HDDC2: variants seen among roughly 807,000 people sequenced by gnomAD.
HDDC2 encodes HD domain containing 2.
Under a neutral mutation model 25.5 loss-of-function variants are expected in HDDC2, and 25 were observed. The observed-to-expected ratio is 0.98, with a 90% CI of 0.72 to 1.37. The LOEUF is 1.37. Ranked by LOEUF, HDDC2 falls within the 40% of genes most tolerant of loss-of-function variation. HDDC2 has a pLI of 0.00. For missense variants in HDDC2, 264 were observed against 253.1 expected (o/e 1.04, Z -0.29); for synonymous variants, 106 against 89.7 (o/e 1.18, Z -1.03).
intron 4 of HDDC2, among the ~76,000 whole-genome samples, chr6:125,289,289 C>T (rs1294352124): frequency 8.0e-6 from 1 of 124,560 alleles, no homozygotes; most frequent in East Asian, 2.2e-4. Flanking sequence ...AATGAGATCA[C>T]TTGGACACAG....
At chr6:125,301,481 A>AGCACACACACGCGC (rs1385989418) in intron 1 of HDDC2, among the ~76,000 whole-genome samples, 37 of 101,594 alleles carry the variant, frequency 3.6e-4, no homozygotes, top group African/African-American at 2.2e-3. Context: ...TGGGGTCGTG[A>AGCACACACACGCGC]GCACACACAC....
chr6:125,281,343 G>T (rs1798454868), intron 4 of HDDC2, among the ~76,000 whole-genome samples: 2 of 152,180 alleles, frequency 1.3e-5, no homozygotes, highest in African/African-American at 4.8e-5. Context: ...GAACAAAACT[G>T]GAGGGAGAAT....
intron 4 of HDDC2, among the ~76,000 whole-genome samples, chr6:125,286,083 T>C (rs1283169426): frequency 6.6e-6 from 1 of 152,146 alleles, no homozygotes; most frequent in Admixed American, 6.5e-5. Context: ...GACTTTCAAG[T>C]ATAAAGAACA....
intron 4 of HDDC2, among the ~76,000 whole-genome samples, chr6:125,279,876 A>G (rs1798431258): frequency 6.6e-6 from 1 of 152,240 alleles, no homozygotes; most frequent in African/African-American, 2.4e-5. Context: ...CATTTTAAAA[A>G]GAGAACTCGA....
intron 4 of HDDC2, among the ~76,000 whole-genome samples, chr6:125,284,956 C>T (rs1698937839): frequency 6.6e-6 from 1 of 152,140 alleles, no homozygotes; most frequent in Non-Finnish European, 1.5e-5. Context: ...AAATGTGGTA[C>T]ATATACACCA....
intron 1 of HDDC2, among the ~76,000 whole-genome samples, chr6:125,300,973 G>T (rs921909405): frequency 2.6e-5 from 4 of 152,028 alleles, no homozygotes; most frequent in African/African-American, 4.8e-5. Flanking sequence ...GCATTTTTCC[G>T]AACAAGAGTT....
chr6:125,292,986 G>T, intron 3 of HDDC2, 77 bp from the exon 4 acceptor site: 1 of 1,145,264 alleles, frequency 8.7e-7, no homozygotes, highest in Non-Finnish European at 1.3e-6. Context: ...AGACAAATAG[G>T]TTCGGATTCT....
intron 4 of HDDC2, among the ~76,000 whole-genome samples, chr6:125,291,406 A>G (rs1309790328): frequency 1.3e-5 from 2 of 152,190 alleles, no homozygotes; most frequent in East Asian, 3.9e-4. Flanking sequence ...TTAGAAAAAT[A>G]ATATGGTACA....
At chr6:125,290,269 C>T (rs919978110) in intron 4 of HDDC2, among the ~76,000 whole-genome samples, 2 of 152,112 alleles carry the variant, frequency 1.3e-5, no homozygotes, top group Non-Finnish European at 2.9e-5. Flanking sequence ...ATATTAATTA[C>T]TTTAATTCCT....
intron 4 of HDDC2, among the ~76,000 whole-genome samples, chr6:125,288,528 A>C (rs1798580612): frequency 6.6e-6 from 1 of 152,254 alleles, no homozygotes; most frequent in Non-Finnish European, 1.5e-5. Flanking sequence ...ATGGAGGACT[A>C]AATAGGCAGA....
intron 3 of HDDC2, among the ~76,000 whole-genome samples, chr6:125,298,104 G>A (rs1798732147): frequency 6.6e-6 from 1 of 152,100 alleles, no homozygotes; most frequent in South Asian, 2.1e-4. Flanking sequence ...GAAAGTTAGT[G>A]TGGAGGGAGA....
chr6:125,279,421 G>A (rs1330674167), intron 4 of HDDC2: 1 of 151,928 alleles, frequency 6.6e-6, no homozygotes. Context: ...GAAACCAGGA[G>A]GACATCTCTA....
chr6:125,300,726 A>G (rs1798786405), intron 1 of HDDC2, 67 bp from the exon 2 acceptor site: 6 of 1,491,598 alleles, frequency 4.0e-6, no homozygotes, highest in Non-Finnish European at 5.5e-6. Context: ...ATGCTCTTCA[A>G]GAGATGTCCA....
chr6:125,280,931 C>T (rs1333915774), intron 4 of HDDC2, among the ~76,000 whole-genome samples: 3 of 152,188 alleles, frequency 2.0e-5, no homozygotes, highest in South Asian at 2.1e-4. Context: ...CAGCAGGGGT[C>T]GACAGACATC....
In HDDC2 at chr6:125,293,594, C is replaced by T. The variant is rs554310412; in HGVS notation, c.310-685G>A. ...AAAAATGTGTGCATTGGTAGGGAGC[C>T]TAGTACCTCAAGAGGCTGCCTTAGA... is the stretch of plus-strand genomic sequence containing the variant. On this transcript the variant is annotated intron_variant, in intron 3 of 5. Transcript: ENST00000398153. 7.2e-5 allele frequency among the ~76,000 whole-genome samples: 11 copies of T among 152,202 alleles called. No homozygotes were observed. The South Asian group carries it at 1.9e-3, about 26-fold the overall frequency.
At chr6:125,301,823 G>A (rs907707160) in intron 1 of HDDC2, 26 bp downstream of exon 1, 4 of 1,521,096 alleles carry the variant, frequency 2.6e-6, no homozygotes, top group Non-Finnish European at 3.5e-6. Context: ...GCTCGGCCGC[G>A]GCCTCCCGGC....
intron 2 of HDDC2, among the ~76,000 whole-genome samples, chr6:125,299,307 T>C (rs1798759550): frequency 6.6e-6 from 1 of 152,094 alleles, no homozygotes; most frequent in Non-Finnish European, 1.5e-5. Flanking sequence ...CATTTGAATC[T>C]GGGAGGTGGA....
intron 3 of HDDC2, chr6:125,293,234 T>A (rs1169407430): frequency 7.4e-6 from 3 of 406,502 alleles, no homozygotes; most frequent in Non-Finnish European, 1.4e-5. Context: ...CATCTGTGGA[T>A]AAATCACAAC....
In HDDC2 at chr6:125,277,223, A is replaced by C; in HGVS notation, c.396T>G (p.Ser132=). ...GCTTCACAAATTTGGCTTCTGCACT[A>C]GATTGGGTCTCGTACTCCTAAGTAA... ...YELWEEYETQ[S]SAEAKFVKQL... Residue 132 remains serine (S), a synonymous_variant, in exon 5 of 6, where the codon TCT becomes TCG. Coordinates refer to ENST00000398153, the MANE Select transcript of HDDC2 (RefSeq NM_016063.3). 1 of 1,614,106 alleles carries C rather than the reference A, an allele frequency of 6.2e-7. No homozygotes were observed. Among genetic ancestry groups the C allele is most frequent in the Non-Finnish European group, 8.5e-7 (1 of 1,179,976 alleles).
Sources: gnomAD v4.1 joint callset for allele counts (sites outside exome capture counted in the v4.1 genomes callset) on GRCh38, gnomAD v4.1.1 for gene constraint, MANE v1.5 for transcripts, NCBI Gene and HGNC (gene_info 2026-07-23, HGNC 2026-07-21) for gene names.